The following NRG1 variants were observed in gnomAD, a reference collection of about 807,000 sequenced individuals.
The protein encoded by NRG1 is neuregulin 1.
NRG1 carries 18 observed loss-of-function variants against 63.8 expected under a neutral mutation model. The observed-to-expected ratio is 0.28, with a 90% CI of 0.19 to 0.42. The LOEUF (loss-of-function observed/expected upper bound fraction) is 0.42. Among genes scored for constraint, NRG1 ranks in the 10% least tolerant of loss-of-function variants. The pLI is 1.00. For missense variants in NRG1, 762 were observed against 814.7 expected (o/e 0.94, Z 0.79); for synonymous variants, 302 against 301.3 (o/e 1.00, Z -0.02).
At chr8:32,770,985 C>G (rs527371305), downstream of NRG1, among the ~76,000 whole-genome samples, 3 of 152,280 alleles carry the variant, frequency 2.0e-5, no homozygotes, top group Non-Finnish European at 4.4e-5. Context: ...ATCAAATAAA[C>G]TTTATGTTAT....
At chr8:32,698,647 C>T (rs565361116) in intron 5 of NRG1, among the ~76,000 whole-genome samples, 2 of 152,250 alleles carry the variant, frequency 1.3e-5, no homozygotes, top group South Asian at 4.1e-4. Context: ...AGCAAAGGCC[C>T]CTTCTTCAGA....
At chr8:32,683,035 A>G (rs1350628520) in intron 5 of NRG1, among the ~76,000 whole-genome samples, 1 of 152,188 alleles carries the variant, frequency 6.6e-6, no homozygotes, top group African/African-American at 2.4e-5. Flanking sequence ...GTTTACCTCT[A>G]TTGCTTAAAG....
chr8:31,757,854 T>C (rs1817133115), intron 1 of NRG1, among the ~76,000 whole-genome samples: 1 of 152,120 alleles, frequency 6.6e-6, no homozygotes, highest in Admixed American at 6.6e-5. Context: ...TTCATTAAGA[T>C]ACAGATGAAT....
intron 1 of NRG1, among the ~76,000 whole-genome samples, chr8:31,784,710 A>G (rs1255434294): frequency 6.6e-6 from 1 of 152,176 alleles, no homozygotes; most frequent in Non-Finnish European, 1.5e-5. Flanking sequence ...AGCACCTGTG[A>G]TGCCAGGACT....
At chr8:32,258,776 T>C (rs1850034384) in intron 1 of NRG1, among the ~76,000 whole-genome samples, 1 of 152,076 alleles carries the variant, frequency 6.6e-6, no homozygotes, top group Admixed American at 6.6e-5. Flanking sequence ...CACATGGGGA[T>C]TATGGGGATT....
intron 1 of NRG1, among the ~76,000 whole-genome samples, chr8:31,987,837 A>G (rs1810361630): frequency 6.6e-6 from 1 of 152,130 alleles, no homozygotes; most frequent in African/African-American, 2.4e-5. Flanking sequence ...TAATAGTAAT[A>G]CCAAAATAAT....
downstream of NRG1, among the ~76,000 whole-genome samples, chr8:32,770,643 C>T (rs572206035): frequency 2.0e-5 from 3 of 152,220 alleles, no homozygotes; most frequent in Non-Finnish European, 2.9e-5. Flanking sequence ...ATGAAGTGTA[C>T]GAGTGAGAAT....
At chr8:32,155,446 C>T (rs1180419041) in intron 1 of NRG1, among the ~76,000 whole-genome samples, 2 of 152,132 alleles carry the variant, frequency 1.3e-5, no homozygotes, top group Admixed American at 6.6e-5. Context: ...ACACATTCCC[C>T]TATTTTCCCA....
At chr8:32,687,651 C>T (rs1031144509) in intron 5 of NRG1, among the ~76,000 whole-genome samples, 9 of 152,046 alleles carry the variant, frequency 5.9e-5, no homozygotes, top group Non-Finnish European at 1.3e-4. Flanking sequence ...GTTGCCTCTT[C>T]CATGAGGATC....
rs191214714 is a variant in NRG1 at position 32,036,888 on chromosome 8, G to T, written c.37+397457G>T. ...CAATGGATTAGGACATACTTCTTTA[G>T]CTCAGTGAAGTTTGTTATTACCCAT... On this transcript the variant is annotated intron_variant, in intron 1 of 10. Coordinates refer to the NRG1 transcript ENST00000519301. Among the ~76,000 whole-genome samples, 330 of 152,186 alleles carry T rather than the reference G, an allele frequency of 2.2e-3. 1 individual carries two copies. The highest frequency in any genetic ancestry group is 7.7e-3 in the South Asian group (37 of 4,824).
At chr8:32,764,774 A>G (rs1349517881) in exon 12 of NRG1, 1 of 165,122 alleles carries the variant, frequency 6.1e-6, no homozygotes, top group Non-Finnish European at 1.3e-5. Context: ...AAGACTTGCA[A>G]CTGTCCCTCT....
intron 1 of NRG1, among the ~76,000 whole-genome samples, chr8:32,418,845 T>A (rs1389205525): frequency 1.3e-5 from 2 of 152,214 alleles, no homozygotes; most frequent in African/African-American, 4.8e-5. Flanking sequence ...ATAAGATGTT[T>A]TTATACTACC....
At chr8:32,298,803 C>T (rs547600180) in intron 1 of NRG1, among the ~76,000 whole-genome samples, 15 of 150,728 alleles carry the variant, frequency 1.0e-4, no homozygotes, top group Admixed American at 4.0e-4. Flanking sequence ...CCAAGGCGGG[C>T]GGATCATGAG....
At chr8:32,213,860 G>A (rs745589832) in intron 1 of NRG1, among the ~76,000 whole-genome samples, 3 of 152,166 alleles carry the variant, frequency 2.0e-5, no homozygotes, top group Non-Finnish European at 4.4e-5. Context: ...GCACTCAGAC[G>A]TGAGTAACTC....
chr8:32,723,894 T>C (rs1212755870), intron 5 of NRG1, among the ~76,000 whole-genome samples: 1 of 152,008 alleles, frequency 6.6e-6, no homozygotes, highest in Non-Finnish European at 1.5e-5. Context: ...TAAATGATAA[T>C]AGTAGTCCCC....
intron 1 of NRG1, among the ~76,000 whole-genome samples, chr8:32,241,841 C>T: frequency 6.6e-6 from 1 of 151,850 alleles, no homozygotes; most frequent in Admixed American, 6.6e-5. Context: ...TCACTGTAGC[C>T]TCGAACTCCT....
intron 1 of NRG1, among the ~76,000 whole-genome samples, chr8:32,053,898 T>C (rs1216907766): frequency 6.6e-6 from 1 of 152,230 alleles, no homozygotes; most frequent in Non-Finnish European, 1.5e-5. Context: ...CATTCAGCAG[T>C]TCTTTCTCAT....
chr8:31,878,999 C>T (rs1270154367), intron 1 of NRG1, among the ~76,000 whole-genome samples: 2 of 151,188 alleles, frequency 1.3e-5, no homozygotes, highest in Non-Finnish European at 2.9e-5. Flanking sequence ...GACTCCATCT[C>T]AAGAAAAAAA....
At chr8:32,196,416 A>G (rs1165813144) in intron 1 of NRG1, among the ~76,000 whole-genome samples, 1 of 152,180 alleles carries the variant, frequency 6.6e-6, no homozygotes, top group Non-Finnish European at 1.5e-5. Context: ...CTTTCTGATT[A>G]AAGAAAATTT....
Sources: gnomAD v4.1 joint callset for allele counts (sites outside exome capture counted in the v4.1 genomes callset) on GRCh38, gnomAD v4.1.1 for gene constraint, MANE v1.5 for transcripts, NCBI Gene and HGNC (gene_info 2026-07-23, HGNC 2026-07-21) for gene names.